Variants in MICAL2 observed in about 807,000 individuals in gnomAD.
The protein encoded by MICAL2 is [F-actin]-monooxygenase MICAL2.
In MICAL2, 77 loss-of-function variants were observed where a neutral mutation model predicts 127.3. That is an observed-to-expected ratio of 0.60 (90% CI 0.50 to 0.73). The LOEUF is 0.73. Among genes scored for constraint, MICAL2 ranks in the 30% least tolerant of loss-of-function variants. The pLI is 0.00. For synonymous variants in MICAL2, 570 were observed against 551.1 expected, an observed-to-expected ratio of 1.03 and a Z score of -0.48; for missense variants, 1,351 against 1,434.4, an observed-to-expected ratio of 0.94 and a Z score of 0.94.
rs1854859890 is a variant in MICAL2, at chr11:12,161,977, A to G, written c.-77-102A>G. The G allele has an allele frequency of 2.0e-5, 14 of 698,320 alleles. No homozygotes were observed. In the East Asian group the frequency reaches 3.5e-4, roughly 18 times the overall value. 43.3% of individuals were successfully genotyped at this position (698,320 alleles called of 1,614,324 possible). On this transcript the variant is annotated intron_variant, in intron 2 of 27. Coordinates refer to ENST00000683283, the MANE Select transcript of MICAL2 (RefSeq NM_001282663.2). ...TTGAACACTAAATAGTGTGGTTAAT[A>G]TTTGAATGTCTTAAAGAAATTGCAT...
chr11:12,287,469 T>C (rs1442072114), downstream of MICAL2, among the ~76,000 whole-genome samples: 4 of 152,132 alleles, frequency 2.6e-5, no homozygotes, highest in African/African-American at 9.7e-5. Context: ...TCTAAGCTTT[T>C]TGAAATACAG....
chr11:12,174,439 T>C (rs1856618017), intron 3 of MICAL2, among the ~76,000 whole-genome samples: 1 of 145,122 alleles, frequency 6.9e-6, no homozygotes, highest in South Asian at 2.3e-4. Flanking sequence ...TTAAGTGGAA[T>C]TATACAGTAT....
At chr11:12,334,544 G>A (rs561559033) in intron 32 of MICAL2, among the ~76,000 whole-genome samples, 3 of 151,220 alleles carry the variant, frequency 2.0e-5, no homozygotes, top group African/African-American at 7.3e-5. Context: ...TTGGTGTGCT[G>A]CACCCATTAA....
chr11:12,295,916 T>C (rs185413354), downstream of MICAL2, among the ~76,000 whole-genome samples: 4 of 152,254 alleles, frequency 2.6e-5, no homozygotes, highest in Admixed American at 2.6e-4. Flanking sequence ...GCATATAATG[T>C]TTTTCCCTTT....
In MICAL2 at chr11:12,280,335, C is replaced by T. The variant is rs1195960852; in HGVS notation, c.88-598C>T. On this transcript the variant is annotated intron_variant, in intron 1 of 2. Coordinates refer to the MICAL2 transcript ENST00000529028. The stretch of plus-strand genomic sequence containing the variant: ...AGCAGAGCAGGCTTTATTCAAACAG[C>T]TCCTCATGCATTGCTGGGCCCCTTC... Among the ~76,000 whole-genome samples the T allele has an allele frequency of 2.6e-5, 4 of 152,230 alleles. No individual in the cohort carries two copies. The East Asian group carries it at 7.7e-4, about 29-fold the overall frequency.
chr11:12,217,194 C>T (rs1158463410), intron 8 of MICAL2, among the ~76,000 whole-genome samples: 2 of 152,204 alleles, frequency 1.3e-5, no homozygotes, highest in African/African-American at 2.4e-5. Flanking sequence ...GATCACACTG[C>T]CCAAGTTCAG....
chr11:12,121,414 C>T (rs1289385112), intron 1 of MICAL2: 2 of 152,680 alleles, frequency 1.3e-5, no homozygotes, highest in African/African-American at 2.4e-5. Flanking sequence ...AAAGAAAGCG[C>T]CTTTGGAAGA....
downstream of MICAL2, among the ~76,000 whole-genome samples, chr11:12,360,722 T>C (rs944637288): frequency 3.3e-5 from 5 of 152,204 alleles, no homozygotes; most frequent in Admixed American, 1.3e-4. Context: ...TGGCCCCTAG[T>C]ATTCTGTTAA....
chr11:12,132,463 T>G (rs73412283), intron 1 of MICAL2, among the ~76,000 whole-genome samples: 97 of 152,326 alleles, frequency 6.4e-4, no homozygotes, highest in African/African-American at 2.3e-3. Context: ...CTTTTTATTT[T>G]TTAAATAGCA....
At chr11:12,225,776 C>T (rs762404500) in intron 13 of MICAL2, 10 of 219,164 alleles carry the variant, frequency 4.6e-5, no homozygotes, top group African/African-American at 1.6e-4. Flanking sequence ...TGAGCCACTG[C>T]GCCTGGTCTC....
At chr11:12,161,823 C>T (rs1402859404) in intron 2 of MICAL2, 1 of 377,862 alleles carries the variant, frequency 2.6e-6, no homozygotes, top group Non-Finnish European at 4.9e-6. Flanking sequence ...AGGGCATAGC[C>T]CTGTGCAATC....
At chr11:12,356,894 C>T (rs1493965) in intron 34 of MICAL2, among the ~76,000 whole-genome samples, 132,853 of 152,258 alleles carry the variant, frequency 0.87, 58,165 homozygotes, top group East Asian at 0.93. Context: ...ATAGGGATGC[C>T]CTTTAAGCTG....
intron 3 of MICAL2, among the ~76,000 whole-genome samples, chr11:12,179,100 A>G (rs1236647801): frequency 6.6e-6 from 1 of 152,076 alleles, no homozygotes; most frequent in Non-Finnish European, 1.5e-5. Flanking sequence ...GTGACTGCCC[A>G]AATTCAAAAC....
At chr11:12,125,445 G>A (rs549391803) in intron 1 of MICAL2, among the ~76,000 whole-genome samples, 5 of 152,082 alleles carry the variant, frequency 3.3e-5, no homozygotes, top group African/African-American at 9.7e-5. Context: ...TAGTACAGAC[G>A]GGGTTTCACC....
At chr11:12,132,561 C>T (rs562026050) in intron 1 of MICAL2, among the ~76,000 whole-genome samples, 1 of 152,380 alleles carries the variant, frequency 6.6e-6, no homozygotes, top group South Asian at 2.1e-4. Flanking sequence ...CTCTCTGAAG[C>T]TGGCAGCTGG....
intron 29 of MICAL2, among the ~76,000 whole-genome samples, chr11:12,313,983 T>TTTTTTTTTTTG (rs1555020731): frequency 7.8e-6 from 1 of 127,558 alleles, no homozygotes; most frequent in African/African-American, 3.0e-5. Flanking sequence ...TTTTTTTTTT[T>TTTTTTTTTTTG]GATAGCTATA....
At position 12,321,963 on chromosome 11, in the gene MICAL2, G is replaced by A. The variant is rs6485658; in HGVS notation, c.5329-2015G>A. 1.8e-3 allele frequency among the ~76,000 whole-genome samples: 271 copies of A among 151,472 alleles called. 3 individuals are homozygous for A. The highest frequency in any genetic ancestry group is 0.01 in the Middle Eastern group (3 of 290). On this transcript the variant is annotated intron_variant, in intron 30 of 34. Coordinates refer to the MICAL2 transcript ENST00000646065. Reference sequence around the variant, plus strand: ...CTAAACGGTATTTGGCACAAGGAAAGGCAGTATAGACCAAATGAAATGTGG... The same window carrying A: ...CTAAACGGTATTTGGCACAAGGAAAAGCAGTATAGACCAAATGAAATGTGG...
chr11:12,212,458 C>T (rs1326673787), intron 6 of MICAL2, among the ~76,000 whole-genome samples: 2 of 152,182 alleles, frequency 1.3e-5, no homozygotes, highest in African/African-American at 4.8e-5. Flanking sequence ...GCCTGGGCAA[C>T]AGAGCGAGAC....
At chr11:12,268,035 C>A (rs1226639397), downstream of MICAL2, among the ~76,000 whole-genome samples, 3 of 152,236 alleles carry the variant, frequency 2.0e-5, no homozygotes, top group Non-Finnish European at 2.9e-5. Context: ...GCACTTAGCA[C>A]ATAGTGGGCC....
Sources: allele counts gnomAD v4.1 joint callset (sites outside exome capture counted in the v4.1 genomes callset), GRCh38; gene constraint gnomAD v4.1.1; transcripts MANE v1.5; gene names NCBI Gene and HGNC (gene_info 2026-07-23, HGNC 2026-07-21).